The following TRDN variants were observed in gnomAD, a reference collection of about 807,000 sequenced individuals.
TRDN encodes the protein triadin in skeletal muscle.
In TRDN, 161 loss-of-function variants were observed where a neutral mutation model predicts 149.7. That is an observed-to-expected ratio of 1.08 (90% CI 0.95 to 1.23). TRDN has a LOEUF of 1.23. Ranked by LOEUF, TRDN falls within the 50% of genes most tolerant of loss-of-function variation. The pLI is 0.00. For synonymous variants in TRDN, 294 were observed against 250.5 expected (o/e 1.17, Z -1.64); for missense variants, 896 against 823.5 (o/e 1.09, Z -1.08).
chr6:123,613,668 G>C (rs916796598), intron 1 of TRDN, among the ~76,000 whole-genome samples: 1 of 151,994 alleles, frequency 6.6e-6, no homozygotes, highest in Non-Finnish European at 1.5e-5. Flanking sequence ...GTGTTAAAAA[G>C]CATCAAAATA....
intron 24 of TRDN, among the ~76,000 whole-genome samples, chr6:123,297,688 C>T (rs9385296): frequency 0.18 from 27,420 of 151,716 alleles, 3,268 homozygotes; most frequent in East Asian, 0.61. Flanking sequence ...AAATGTAGTG[C>T]TAGGTATACT....
At chr6:123,349,594 T>G (rs1046449509) in intron 21 of TRDN, 2 of 894,658 alleles carry the variant, frequency 2.2e-6, no homozygotes, top group African/African-American at 3.6e-5. Context: ...TTGTGTTAAC[T>G]AAATCTTCTG....
At chr6:123,597,599 T>G (rs1784095340) in intron 1 of TRDN, among the ~76,000 whole-genome samples, 1 of 152,052 alleles carries the variant, frequency 6.6e-6, no homozygotes, top group Admixed American at 6.6e-5. Context: ...ACTTCATTGT[T>G]GTCTTTTGTT....
intron 12 of TRDN, among the ~76,000 whole-genome samples, chr6:123,422,230 C>T (rs927305425): frequency 4.6e-5 from 7 of 152,030 alleles, no homozygotes; most frequent in Non-Finnish European, 8.8e-5. Context: ...GTCGCTGGGA[C>T]GTAACTGTAT....
At chr6:123,310,669 T>A (rs1778785091) in intron 24 of TRDN, among the ~76,000 whole-genome samples, 1 of 151,938 alleles carries the variant, frequency 6.6e-6, no homozygotes, top group Non-Finnish European at 1.5e-5. Flanking sequence ...ATTTGGCTTT[T>A]TTTAAAATGT....
chr6:123,619,510 G>A (rs1044995253), intron 1 of TRDN, among the ~76,000 whole-genome samples: 1 of 152,142 alleles, frequency 6.6e-6, no homozygotes, highest in Non-Finnish European at 1.5e-5. Flanking sequence ...ACCTGGATAT[G>A]TCTGGTATTT....
chr6:123,352,607 T>C, intron 20 of TRDN, 21 bp from the exon 21 acceptor site: 1 of 1,606,452 alleles, frequency 6.2e-7, no homozygotes, highest in Non-Finnish European at 8.5e-7. Context: ...AAGATAAGGT[T>C]TAAAGAAGAG....
At chr6:123,567,634 T>C (rs901504545) in intron 2 of TRDN, among the ~76,000 whole-genome samples, 6 of 149,066 alleles carry the variant, frequency 4.0e-5, no homozygotes, top group Non-Finnish European at 5.9e-5. Flanking sequence ...AGAGAGAGAG[T>C]GGGGGGCGGG....
chr6:123,544,038 T>G (rs1045000722), intron 4 of TRDN, among the ~76,000 whole-genome samples: 1 of 152,152 alleles, frequency 6.6e-6, no homozygotes, highest in Non-Finnish European at 1.5e-5. Flanking sequence ...ATCTAAAGGT[T>G]AATATATTGC....
At chr6:123,596,855 A>T (rs76906845) in intron 1 of TRDN, among the ~76,000 whole-genome samples, 2,043 of 152,144 alleles carry the variant, frequency 0.013, 27 homozygotes, top group Non-Finnish European at 0.021. Flanking sequence ...CTTTCAAAAT[A>T]TTTCTGCTTA....
At chr6:123,354,734 A>G (rs1780593885) in intron 20 of TRDN, among the ~76,000 whole-genome samples, 1 of 151,784 alleles carries the variant, frequency 6.6e-6, no homozygotes, top group African/African-American at 2.4e-5. Context: ...AACTTATAAA[A>G]TAAAAGATTA....
chr6:123,582,912 T>C (rs1325536074), intron 1 of TRDN, among the ~76,000 whole-genome samples: 1 of 151,554 alleles, frequency 6.6e-6, no homozygotes, highest in Non-Finnish European at 1.5e-5. Flanking sequence ...GAAGGAAGAT[T>C]TTGTGGTAAG....
intron 1 of TRDN, among the ~76,000 whole-genome samples, chr6:123,574,657 A>T (rs2145734): frequency 0.1 from 15,118 of 151,612 alleles, 964 homozygotes; most frequent in Non-Finnish European, 0.14. Flanking sequence ...AGCAGAGAAC[A>T]CAAGAATTTG....
chr6:123,442,555 A>G lies in TRDN; in HGVS notation c.932-3552T>C, dbSNP rs1187144447. 9.0e-5 allele frequency among the ~76,000 whole-genome samples: 8 copies of G among 88,724 alleles called. 1 individual carries two copies. Among genetic ancestry groups the G allele is most frequent in the African/African-American group, 1.7e-4 (3 of 17,618 alleles). 58.2% of individuals were successfully genotyped at this position (88,724 alleles called of 152,430 possible). A position where few individuals can be genotyped will look rare whatever the true frequency, so the allele number is the denominator to read the frequency against. On this transcript the variant is annotated intron_variant, in intron 10 of 40. Transcript: ENST00000334268. ...AGCGAGACTCCGTCTCAAAAAAAAA[A>G]AAAAAAGAAAAAAAAAAAAAGTCTA...
intron 16 of TRDN, among the ~76,000 whole-genome samples, chr6:123,378,361 C>G (rs1781587639): frequency 1.3e-5 from 2 of 152,046 alleles, no homozygotes; most frequent in South Asian, 4.1e-4. Flanking sequence ...TTCACTGCAG[C>G]CTCCACTTCC....
chr6:123,493,452 C>T (rs540737198), intron 9 of TRDN, among the ~76,000 whole-genome samples: 30 of 152,196 alleles, frequency 2.0e-4, no homozygotes, highest in African/African-American at 7.0e-4. Flanking sequence ...ATCTTAGAAG[C>T]ATTTTATTTG....
chr6:123,564,404 G>A (rs1188052581), intron 2 of TRDN, among the ~76,000 whole-genome samples: 1 of 152,204 alleles, frequency 6.6e-6, no homozygotes, highest in Non-Finnish European at 1.5e-5. Context: ...ATATTCGTGT[G>A]TGTGTGTGTA....
Position 123,258,250 on chromosome 6 carries a change from A to G in TRDN, c.1870+1374T>C, listed in dbSNP as rs139092916. ...GAATGCTTCCAGCTTTTGCACTTTC[A>G]GTATGCTATTGACTGTGGGTTTATC... On this transcript the variant is annotated intron_variant, in intron 35 of 40. Transcript: ENST00000334268. Among the ~76,000 whole-genome samples the G allele has an allele frequency of 2.9e-3, 446 of 152,304 alleles. 3 individuals are homozygous for G. The highest frequency in any genetic ancestry group is 0.01 in the African/African-American group (416 of 41,568).
chr6:123,274,498 T>G (rs966576153), intron 27 of TRDN, 143 bp downstream of exon 27: 17 of 633,354 alleles, frequency 2.7e-5, no homozygotes, highest in Non-Finnish European at 3.9e-5. Context: ...TATAAAATCA[T>G]GTTGAGCAAT....
Sources: gnomAD v4.1 joint callset for allele counts (sites outside exome capture counted in the v4.1 genomes callset) on GRCh38, gnomAD v4.1.1 for gene constraint, MANE v1.5 for transcripts, NCBI Gene and HGNC (gene_info 2026-07-23, HGNC 2026-07-21) for gene names.